MICOS10: variants seen among roughly 807,000 people sequenced by gnomAD.
MICOS10 encodes the protein mitochondrial contact site and cristae organizing system subunit 10.
Under a neutral mutation model 13.4 loss-of-function variants are expected in MICOS10, and 5 were observed. The ratio of observed to expected loss-of-function variants is 0.37; its 90% CI spans 0.20 to 0.78. The LOEUF is 0.78. Among genes scored for constraint, MICOS10 ranks in the 30% least tolerant of loss-of-function variants. The pLI is 0.47. For missense variants in MICOS10, 101 were observed against 94.6 expected (o/e 1.07, Z -0.28); for synonymous variants, 35 against 33.6 (o/e 1.04, Z -0.15).
At position 19,596,994 on chromosome 1, in the gene MICOS10, G is replaced by C; in HGVS notation, c.-52G>C. 2 of 1,547,704 alleles carry C rather than the reference G, an allele frequency of 1.3e-6. No individual in the cohort carries two copies. Among genetic ancestry groups the C allele is most frequent in the South Asian group, 2.4e-5 (2 of 84,868 alleles). On this transcript the variant is annotated 5_prime_UTR_variant, in exon 1 of 4. Transcript: ENST00000322753. ...TCCAGCTCTCGCGAGACTTTCAGGG[G>C]TCGGAGCGCGGGGGCCGGCCGAGAG... is the stretch of plus-strand genomic sequence containing the variant.
chr1:19,599,442 G>A (rs1050257476), intron 1 of MICOS10, among the ~76,000 whole-genome samples: 6 of 152,168 alleles, frequency 3.9e-5, no homozygotes, highest in African/African-American at 7.2e-5. Flanking sequence ...TGCGTAGAAC[G>A]TTGATAGGGG....
intron 1 of MICOS10, among the ~76,000 whole-genome samples, chr1:19,619,744 T>A (rs2094896661): frequency 6.6e-6 from 1 of 152,260 alleles, no homozygotes; most frequent in South Asian, 2.1e-4. Context: ...AGGCATGCAT[T>A]AAATTGCATG....
chr1:19,603,185 G>A (rs1040595388), intron 1 of MICOS10, among the ~76,000 whole-genome samples: 2 of 152,100 alleles, frequency 1.3e-5, no homozygotes, highest in Admixed American at 1.3e-4. Context: ...CAAAAAATTA[G>A]CCGGGCATGG....
chr1:19,629,523 T>TC lies in MICOS10; in HGVS notation c.*3123dup, dbSNP rs1417060835. The TC allele has an allele frequency of 6.6e-6, 1 of 152,248 alleles. No individual in the cohort carries two copies. Among genetic ancestry groups the TC allele is most frequent in the East Asian group, 1.9e-4 (1 of 5,194 alleles). The allele number at this position is 152,248 out of a possible 1,614,324, so 9.4% of individuals were successfully genotyped here. ...GCCTTATGCAGAAGTATGCCTTTGT[T>TC]CTGAGAAATGGCCTCAGAACACACT... On this transcript the variant is annotated 3_prime_UTR_variant, in exon 4 of 4. Coordinates refer to ENST00000322753, the MANE Select transcript of MICOS10 (RefSeq NM_001032363.4).
At chr1:19,624,559 A>G (rs1345115134) in intron 3 of MICOS10, among the ~76,000 whole-genome samples, 1 of 152,122 alleles carries the variant, frequency 6.6e-6, no homozygotes, top group Non-Finnish European at 1.5e-5. Flanking sequence ...AAGTGCTGGG[A>G]TTATAGGTGT....
intron 3 of MICOS10, among the ~76,000 whole-genome samples, chr1:19,625,838 A>G (rs1044837657): frequency 2.0e-5 from 3 of 152,112 alleles, no homozygotes; most frequent in African/African-American, 7.2e-5. Flanking sequence ...GTCATCCTCC[A>G]TTCCCTGAAA....
intron 1 of MICOS10, chr1:19,601,026 T>C (rs1315338645): frequency 7.8e-7 from 1 of 1,287,934 alleles, no homozygotes; most frequent in Non-Finnish European, 1.0e-6. Flanking sequence ...CTTCCAGGGT[T>C]CACCAGGGTT....
At chr1:19,609,750 A>C (rs796545341) in intron 1 of MICOS10, among the ~76,000 whole-genome samples, 2 of 152,348 alleles carry the variant, frequency 1.3e-5, no homozygotes, top group African/African-American at 4.8e-5. Flanking sequence ...ATACTTTATG[A>C]TCCTATTTAC....
intron 1 of MICOS10, among the ~76,000 whole-genome samples, chr1:19,612,462 T>C (rs1487473731): frequency 6.6e-6 from 1 of 151,452 alleles, no homozygotes; most frequent in Non-Finnish European, 1.5e-5. Flanking sequence ...GTGGATCATG[T>C]CTGTAATCCC....
rs148905419 is a variant in MICOS10 at position 19,617,244 on chromosome 1, C to T, written c.65-4856C>T. On this transcript the variant is annotated intron_variant, in intron 1 of 3. Coordinates refer to ENST00000322753, the MANE Select transcript of MICOS10 (RefSeq NM_001032363.4). ...TTCTTTCCATTGCCTGGTTTGTTTGCTTGTTCTAATCAGAATCCTGGTAAT... is the reference window on the plus strand; with the variant it reads ...TTCTTTCCATTGCCTGGTTTGTTTGTTTGTTCTAATCAGAATCCTGGTAAT... The T allele has an allele frequency of 1.1e-4, 110 of 982,638 alleles. 2 individuals are homozygous for T. The East Asian group carries it at 0.01, about 92-fold the overall frequency. The allele number at this position is 982,638 out of a possible 1,614,324, so 60.9% of individuals were successfully genotyped here. A position where few individuals can be genotyped will look rare whatever the true frequency, so the allele number is the denominator to read the frequency against.
At chr1:19,612,106 G>A (rs1377106416) in intron 1 of MICOS10, among the ~76,000 whole-genome samples, 2 of 150,888 alleles carry the variant, frequency 1.3e-5, no homozygotes, top group East Asian at 2.0e-4. Flanking sequence ...GCAGTGGCGC[G>A]ATCTCCACTC....
At chr1:19,622,195 T>A (rs754257342) in intron 2 of MICOS10, 48 bp downstream of exon 2, 4 of 1,484,278 alleles carry the variant, frequency 2.7e-6, no homozygotes, top group Non-Finnish European at 2.8e-6. Context: ...TGTATACATA[T>A]ACGTAGCAGG....
intron 2 of MICOS10, 104 bp from the exon 3 acceptor site, chr1:19,623,370 C>T (rs1224764428): frequency 8.6e-6 from 6 of 700,794 alleles, no homozygotes; most frequent in South Asian, 5.2e-5. Flanking sequence ...GTATGATGCA[C>T]GTTGAATATT....
At chr1:19,624,677 C>T (rs931973611) in intron 3 of MICOS10, among the ~76,000 whole-genome samples, 6 of 152,094 alleles carry the variant, frequency 3.9e-5, no homozygotes, top group Non-Finnish European at 7.3e-5. Flanking sequence ...CTCAGGGCTT[C>T]GTGTGTAGCA....
chr1:19,600,332 A>C (rs1280669190), intron 1 of MICOS10, among the ~76,000 whole-genome samples: 1 of 117,092 alleles, frequency 8.5e-6, no homozygotes, highest in Admixed American at 8.0e-5. Context: ...AGAGAGAAGA[A>C]GTAAGGGAGG....
At chr1:19,608,578 C>T (rs2094845441) in intron 1 of MICOS10, 2 of 819,588 alleles carry the variant, frequency 2.4e-6, no homozygotes, top group East Asian at 2.4e-5. Flanking sequence ...AACAAGATTC[C>T]TCAAAATATT....
rs1309660627 is a variant in MICOS10 at position 19,626,590 on chromosome 1, G to GT, written c.*190dup. 1.6e-6 allele frequency: 1 copy of GT among 635,300 alleles called. No individual in the cohort carries two copies. Among genetic ancestry groups the GT allele is most frequent in the Non-Finnish European group, 2.7e-6 (1 of 366,114 alleles). The allele number at this position is 635,300 out of a possible 1,614,324, so 39.4% of individuals were successfully genotyped here. ...GTTTTGTATTTTCTCTCTGGAAGTT[G>GT]TAAGGAGGTGGTCTTAAATAAATTA... On this transcript the variant is annotated 3_prime_UTR_variant, in exon 4 of 4. Transcript: ENST00000322753.
chr1:19,600,792 G>T, intron 1 of MICOS10: 1 of 716,432 alleles, frequency 1.4e-6, no homozygotes, highest in Non-Finnish European at 2.1e-6. Flanking sequence ...TGTAGAGATG[G>T]GGTTTCACCA....
At chr1:19,607,521 A>T (rs2094839823) in intron 1 of MICOS10, among the ~76,000 whole-genome samples, 1 of 152,228 alleles carries the variant, frequency 6.6e-6, no homozygotes, top group Non-Finnish European at 1.5e-5. Flanking sequence ...GTGAAATGTT[A>T]GGGCATTGCT....
Sources: allele counts gnomAD v4.1 joint callset (sites outside exome capture counted in the v4.1 genomes callset), GRCh38; gene constraint gnomAD v4.1.1; transcripts MANE v1.5; gene names NCBI Gene and HGNC (gene_info 2026-07-23, HGNC 2026-07-21).